The following STXBP5L variants were observed in gnomAD, a reference collection of about 807,000 sequenced individuals.
STXBP5L encodes the protein syntaxin-binding protein 5-like.
STXBP5L carries 65 observed loss-of-function variants against 144.5 expected under a neutral mutation model. The observed-to-expected ratio is 0.45, with a 90% CI of 0.37 to 0.55. STXBP5L has a LOEUF of 0.55. Ranked by LOEUF, STXBP5L falls within the 20% of genes least tolerant of loss-of-function variation. The pLI, the probability that STXBP5L is intolerant of heterozygous loss-of-function variation, is 0.00. For synonymous variants in STXBP5L, 505 were observed against 469.6 expected (o/e 1.08, Z -0.97); for missense variants, 1,298 against 1,405.5 (o/e 0.92, Z 1.22).
chr3:121,323,869 A>G (rs1438879771), intron 20 of STXBP5L, among the ~76,000 whole-genome samples: 1 of 152,166 alleles, frequency 6.6e-6, no homozygotes, highest in Non-Finnish European at 1.5e-5. Context: ...CTTAAAGAGA[A>G]CAGATCCTTT....
intron 5 of STXBP5L, among the ~76,000 whole-genome samples, chr3:121,109,635 CAATTA>C (rs541149662): frequency 4.8e-4 from 73 of 152,202 alleles, no homozygotes; most frequent in African/African-American, 1.8e-3. Context: ...GTTTTACTTC[CAATTA>C]AATGATTGAT....
At chr3:121,090,584 T>C (rs1241874750) in intron 5 of STXBP5L, among the ~76,000 whole-genome samples, 1 of 152,150 alleles carries the variant, frequency 6.6e-6, no homozygotes, top group Non-Finnish European at 1.5e-5. Flanking sequence ...TGAGTTTAGT[T>C]AATTATGATT....
At chr3:121,218,989 T>C (rs1045342563) in intron 10 of STXBP5L, among the ~76,000 whole-genome samples, 3 of 152,156 alleles carry the variant, frequency 2.0e-5, no homozygotes, top group Admixed American at 6.6e-5. Context: ...CATTATTTCA[T>C]GTAGTTAAAA....
intron 19 of STXBP5L, among the ~76,000 whole-genome samples, chr3:121,309,386 G>A (rs2043450709): frequency 6.6e-6 from 1 of 152,010 alleles, no homozygotes; most frequent in South Asian, 2.1e-4. Context: ...AAAGCAAACA[G>A]AATGTCACTA....
intron 3 of STXBP5L, among the ~76,000 whole-genome samples, chr3:121,024,251 G>T (rs1945770528): frequency 6.6e-6 from 1 of 152,002 alleles, no homozygotes; most frequent in Admixed American, 6.6e-5. Flanking sequence ...TTAAACATTG[G>T]TAAAATTTCT....
chr3:121,143,306 AC>A (rs972505851), intron 7 of STXBP5L, among the ~76,000 whole-genome samples: 65 of 151,350 alleles, frequency 4.3e-4, no homozygotes, highest in African/African-American at 1.5e-3. Flanking sequence ...AAAAAAAAAA[AC>A]AACTTGAAAA....
chr3:120,997,478 A>G (rs754543438), intron 3 of STXBP5L, among the ~76,000 whole-genome samples: 3 of 152,134 alleles, frequency 2.0e-5, no homozygotes, highest in Non-Finnish European at 4.4e-5. Context: ...TTCAATAGCC[A>G]TTCTGACTGG....
chr3:121,163,133 G>A (rs1288255527), intron 9 of STXBP5L, among the ~76,000 whole-genome samples: 1 of 152,170 alleles, frequency 6.6e-6, no homozygotes, highest in African/African-American at 2.4e-5. Context: ...TATGTTTATT[G>A]TAGCACTATT....
intron 7 of STXBP5L, among the ~76,000 whole-genome samples, chr3:121,139,849 G>A (rs1390454841): frequency 6.6e-6 from 1 of 151,882 alleles, no homozygotes; most frequent in Non-Finnish European, 1.5e-5. Flanking sequence ...CACTTATGCT[G>A]AAAGTGACAA....
At position 121,313,761 on chromosome 3, in the gene STXBP5L, G is replaced by T. The variant is rs1458342319; in HGVS notation, c.2111-4714G>T. Among the ~76,000 whole-genome samples the T allele has an allele frequency of 5.9e-5, 8 of 136,606 alleles. No individual in the cohort carries two copies. The South Asian group carries it at 1.1e-3, about 18-fold the overall frequency. 89.6% of individuals were successfully genotyped at this position (136,606 alleles called of 152,430 possible). On this transcript the variant is annotated intron_variant, in intron 19 of 26. Coordinates refer to ENST00000471454, the MANE Select transcript of STXBP5L (RefSeq NM_001308330.2). ...GACCCCCCCCACCTCCCTCCCGGAC[G>T]GGGTGGCTGCCGGGCGGAGACGCTC...
chr3:121,003,661 TC>T (rs1407352198), intron 3 of STXBP5L, among the ~76,000 whole-genome samples: 1 of 152,248 alleles, frequency 6.6e-6, no homozygotes, highest in Non-Finnish European at 1.5e-5. Context: ...GCCTAGGTTT[TC>T]TTCTAGGGTT....
chr3:121,412,973 C>G (rs1239710250), intron 23 of STXBP5L, among the ~76,000 whole-genome samples, 185 bp from the exon 24 acceptor site: 2 of 151,788 alleles, frequency 1.3e-5, no homozygotes, highest in Non-Finnish European at 2.9e-5. Flanking sequence ...GGCAAGATTG[C>G]AGTGAGCTAA....
intron 18 of STXBP5L, among the ~76,000 whole-genome samples, chr3:121,277,746 C>G (rs1252218590): frequency 1.3e-5 from 2 of 151,214 alleles, no homozygotes; most frequent in African/African-American, 2.4e-5. Context: ...TAGTAGTGTT[C>G]AACTTTTTCC....
At chr3:120,992,928 A>T (rs1380008631) in intron 3 of STXBP5L, among the ~76,000 whole-genome samples, 1 of 152,122 alleles carries the variant, frequency 6.6e-6, no homozygotes, top group Non-Finnish European at 1.5e-5. Flanking sequence ...ACCCGTGTAT[A>T]AGAGTTCCTT....
At chr3:120,922,438 A>G (rs1576422161) in intron 2 of STXBP5L, among the ~76,000 whole-genome samples, 2 of 152,128 alleles carry the variant, frequency 1.3e-5, no homozygotes, top group East Asian at 3.9e-4. Flanking sequence ...CCTTCTTCCA[A>G]TTGGATACCC....
At chr3:121,032,307 A>T (rs1946427215) in intron 3 of STXBP5L, among the ~76,000 whole-genome samples, 1 of 152,030 alleles carries the variant, frequency 6.6e-6, no homozygotes, top group Non-Finnish European at 1.5e-5. Context: ...AGGAAGAAGA[A>T]TGTATCATGA....
chr3:121,076,923 T>A (rs753709740), intron 5 of STXBP5L, among the ~76,000 whole-genome samples: 6 of 152,042 alleles, frequency 3.9e-5, no homozygotes, highest in Non-Finnish European at 8.8e-5. Context: ...GTGCCTTAAT[T>A]CCTGTCACAG....
chr3:121,049,290 C>T (rs1007103220), intron 5 of STXBP5L, among the ~76,000 whole-genome samples: 1 of 151,916 alleles, frequency 6.6e-6, no homozygotes, highest in East Asian at 1.9e-4. Flanking sequence ...GGTGGCCTGC[C>T]TTTCCCACTG....
rs2047343436 is a variant in STXBP5L, at chr3:121,421,027, GA to G, written c.*1931del. 1 of 146,838 alleles carries G rather than the reference GA, an allele frequency of 6.8e-6. No individual in the cohort carries two copies. The highest frequency in any genetic ancestry group is 2.7e-5 in the African/African-American group (1 of 36,612). The allele number at this position is 146,838 out of a possible 1,614,324, so 9.1% of individuals were successfully genotyped here. A position where few individuals can be genotyped will look rare whatever the true frequency, so the allele number is the denominator to read the frequency against. On this transcript the variant is annotated 3_prime_UTR_variant, in exon 27 of 27. Transcript: ENST00000471454. ...TAACAGAATCTGGCTTGGAAACACA[GA>G]CATTACATGACTGTATAATTTATAG...
Sources: allele counts gnomAD v4.1 joint callset (sites outside exome capture counted in the v4.1 genomes callset), GRCh38; gene constraint gnomAD v4.1.1; transcripts MANE v1.5; gene names NCBI Gene and HGNC (gene_info 2026-07-23, HGNC 2026-07-21).